Variants in PBX1 observed in about 807,000 individuals in gnomAD.
PBX1 encodes PBX homeobox 1.
PBX1 carries 6 observed loss-of-function variants against 53.4 expected under a neutral mutation model. The ratio of observed to expected loss-of-function variants is 0.11; its 90% confidence interval spans 0.06 to 0.22. The LOEUF is 0.22. PBX1 is among the 10% of genes least tolerant of loss of function. The probability of loss-of-function intolerance (pLI) is 1.00; values close to 1 mark genes in which losing one functional copy is unlikely to be tolerated. For synonymous variants in PBX1, 204 were observed against 212.3 expected (o/e 0.96, Z 0.34); for missense variants, 251 against 551.4 (o/e 0.46, Z 5.46).
chr1:164,587,287 A>G (rs1211495430), intron 2 of PBX1, among the ~76,000 whole-genome samples: 2 of 152,242 alleles, frequency 1.3e-5, no homozygotes, highest in East Asian at 1.9e-4. Context: ...GAAGCAATGT[A>G]TATGACAGAA....
At chr1:164,877,303 T>TA (rs1672536777) in intron 2 of PBX1, among the ~76,000 whole-genome samples, 1 of 151,830 alleles carries the variant, frequency 6.6e-6, no homozygotes. Context: ...ATCCTCCTGA[T>TA]ACTTGATATG....
Position 164,866,174 on chromosome 1 carries a change from A to G in PBX1, n.258-33014A>G, listed in dbSNP as rs550322240. On this transcript the variant is annotated intron_variant and non_coding_transcript_variant, in intron 2 of 2. Transcript: ENST00000558796. ...TAAAGCCAAAAATATATTCTTATTCATTATTCTGTAACTTATGTGGCATCA... is the reference window on the plus strand; with the variant it reads ...TAAAGCCAAAAATATATTCTTATTCGTTATTCTGTAACTTATGTGGCATCA... Among the ~76,000 whole-genome samples the G allele has an allele frequency of 5.9e-5, 9 of 152,334 alleles. 1 individual carries two copies. The South Asian group carries it at 1.9e-3, about 32-fold the overall frequency.
At chr1:164,816,925 C>A (rs1009939057) in intron 6 of PBX1, 1 of 151,894 alleles carries the variant, frequency 6.6e-6, no homozygotes, top group East Asian at 1.9e-4. Flanking sequence ...TTTTCTGGAA[C>A]TTGTCTGATG....
intron 8 of PBX1, among the ~76,000 whole-genome samples, chr1:164,836,763 T>C (rs1671059508): frequency 6.6e-6 from 1 of 152,146 alleles, no homozygotes; most frequent in Non-Finnish European, 1.5e-5. Context: ...AGCAGCAAAC[T>C]CTCTGGTGAC....
intron 2 of PBX1, among the ~76,000 whole-genome samples, chr1:164,595,903 A>G (rs1483937281): frequency 6.6e-6 from 1 of 152,186 alleles, no homozygotes; most frequent in African/African-American, 2.4e-5. Flanking sequence ...AATAGCTCCA[A>G]AGGTTGTAAT....
chr1:164,642,552 A>G (rs1659207855), intron 2 of PBX1: 1 of 152,190 alleles, frequency 6.6e-6, no homozygotes, highest in African/African-American at 2.4e-5. Context: ...ATAGTACTGT[A>G]TCCTGGCCCC....
chr1:164,779,545 C>T (rs1223047181), intron 2 of PBX1, among the ~76,000 whole-genome samples: 2 of 152,164 alleles, frequency 1.3e-5, no homozygotes, highest in African/African-American at 2.4e-5. Flanking sequence ...AGAAAGCAGG[C>T]AGCACCGAAA....
intron 2 of PBX1, among the ~76,000 whole-genome samples, chr1:164,738,597 A>C (rs1013445210): frequency 6.6e-6 from 1 of 152,214 alleles, no homozygotes; most frequent in Non-Finnish European, 1.5e-5. Flanking sequence ...ATTTCATAAG[A>C]AACAACCACA....
At chr1:164,634,513 C>G (rs1658614808) in intron 2 of PBX1, among the ~76,000 whole-genome samples, 1 of 152,192 alleles carries the variant, frequency 6.6e-6, no homozygotes, top group African/African-American at 2.4e-5. Context: ...GACCTGACTA[C>G]TATGGCAGTG....
At chr1:164,804,574 A>G (rs554041110) in intron 4 of PBX1, among the ~76,000 whole-genome samples, 12 of 152,366 alleles carry the variant, frequency 7.9e-5, no homozygotes, top group African/African-American at 2.9e-4. Context: ...CATTTCACTC[A>G]TCGTAGAAAG....
intron 2 of PBX1, among the ~76,000 whole-genome samples, chr1:164,571,349 C>A (rs1231394975): frequency 6.6e-6 from 1 of 152,132 alleles, no homozygotes; most frequent in African/African-American, 2.4e-5. Context: ...GTCCATATTT[C>A]CCCCTTCACC....
intron 2 of PBX1, among the ~76,000 whole-genome samples, chr1:164,648,928 T>C (rs776188594): frequency 1.3e-5 from 2 of 152,184 alleles, no homozygotes; most frequent in Non-Finnish European, 2.9e-5. Flanking sequence ...ATGAGTAATA[T>C]GGGAAACATG....
At chr1:164,717,491 G>A (rs556490975) in intron 2 of PBX1, among the ~76,000 whole-genome samples, 4 of 152,232 alleles carry the variant, frequency 2.6e-5, no homozygotes, top group Non-Finnish European at 4.4e-5. Context: ...TTATCAGGCA[G>A]GTGTTCAAAT....
At chr1:164,739,869 T>G (rs1665512847) in intron 2 of PBX1, among the ~76,000 whole-genome samples, 1 of 152,066 alleles carries the variant, frequency 6.6e-6, no homozygotes, top group African/African-American at 2.4e-5. Flanking sequence ...CGTTGAACTC[T>G]TCGATTAACA....
chr1:164,835,641 C>T (rs1457861067), intron 8 of PBX1, among the ~76,000 whole-genome samples: 1 of 152,032 alleles, frequency 6.6e-6, no homozygotes, highest in Non-Finnish European at 1.5e-5. Context: ...TTATTGATTT[C>T]TAAGAACTCT....
chr1:164,749,132 AG>A (rs1666056201), intron 2 of PBX1, among the ~76,000 whole-genome samples: 1 of 152,208 alleles, frequency 6.6e-6, no homozygotes, highest in African/African-American at 2.4e-5. Flanking sequence ...TGGAAAACAA[AG>A]GGAAAAAAAA....
Position 164,848,036 on chromosome 1 carries a change from G to T in PBX1, c.*1360G>T. The T allele has an allele frequency of 9.5e-7, 1 of 1,050,080 alleles. No individual in the cohort carries two copies. The highest frequency in any genetic ancestry group is 1.1e-6 in the Non-Finnish European group (1 of 869,718). 65.0% of individuals were successfully genotyped at this position (1,050,080 alleles called of 1,614,324 possible). On this transcript the variant is annotated 3_prime_UTR_variant, in exon 9 of 9. Transcript: ENST00000420696. Reference sequence around the variant, plus strand: ...AATGTTATACCACACTATGTTCTTGGTCCTGACCTATTGCTCTGGAGGAAA... The same window carrying T: ...AATGTTATACCACACTATGTTCTTGTTCCTGACCTATTGCTCTGGAGGAAA...
In PBX1 at chr1:164,848,339, G is replaced by T. The variant is rs781230082; in HGVS notation, c.*1663G>T. 93 of 1,057,382 alleles carry T rather than the reference G, an allele frequency of 8.8e-5. No homozygotes were observed. The highest frequency in any genetic ancestry group is 1.1e-4 in the Non-Finnish European group (92 of 874,498). 65.5% of individuals were successfully genotyped at this position (1,057,382 alleles called of 1,614,324 possible). On this transcript the variant is annotated 3_prime_UTR_variant, in exon 9 of 9. Transcript: ENST00000420696. ...AAGTGGGAGGTGGTCAAATATTTTG[G>T]TGCCTCATTTTCTTCATCTGTGAGA...
intron 2 of PBX1, among the ~76,000 whole-genome samples, chr1:164,735,482 G>C (rs1046788464): frequency 6.6e-6 from 1 of 152,170 alleles, no homozygotes; most frequent in Non-Finnish European, 1.5e-5. Context: ...GAGAGAAAGA[G>C]GGAGAAGGAA....
Sources: gnomAD v4.1 joint callset for allele counts (sites outside exome capture counted in the v4.1 genomes callset) on GRCh38, gnomAD v4.1.1 for gene constraint, MANE v1.5 for transcripts, NCBI Gene and HGNC (gene_info 2026-07-23, HGNC 2026-07-21) for gene names.